Variants in ZFP91 observed in about 807,000 individuals in gnomAD.
The protein encoded by ZFP91 is ZFP91 zinc finger protein, atypical E3 ubiquitin ligase.
Under a neutral mutation model 63.5 loss-of-function variants are expected in ZFP91, and 7 were observed. The ratio of observed to expected loss-of-function variants is 0.11; its 90% CI spans 0.06 to 0.21. The LOEUF is 0.21. ZFP91 is among the 10% of genes least tolerant of loss of function. The probability of loss-of-function intolerance (pLI) is 1.00; values close to 1 mark genes in which losing one functional copy is unlikely to be tolerated. For missense variants in ZFP91, 628 were observed against 736.6 expected (o/e 0.85, Z 1.71); for synonymous variants, 330 against 272.1 (o/e 1.21, Z -2.10).
At chr11:58,598,799 AT>A (rs1297759918) in intron 2 of ZFP91, among the ~76,000 whole-genome samples, 2 of 150,616 alleles carry the variant, frequency 1.3e-5, no homozygotes, top group Non-Finnish European at 3.0e-5. Flanking sequence ...TTGAGGTGAA[AT>A]TCACATAACA....
At chr11:58,587,436 G>A (rs530641855) in intron 2 of ZFP91, among the ~76,000 whole-genome samples, 14 of 152,252 alleles carry the variant, frequency 9.2e-5, no homozygotes, top group East Asian at 1.9e-4. Context: ...TGACATTTGA[G>A]ATTACACCTG....
intron 4 of ZFP91, 127 bp from the exon 5 acceptor site, chr11:58,610,823 T>C: frequency 1.4e-6 from 1 of 698,150 alleles, no homozygotes; most frequent in Non-Finnish European, 2.3e-6. Context: ...TCCAATTAGG[T>C]CATTAGGATG....
chr11:58,611,640 A>C lies in ZFP91; in HGVS notation c.759A>C (p.Val253=). The C allele has an allele frequency of 6.2e-7, 1 of 1,612,946 alleles. No individual in the cohort carries two copies. Among genetic ancestry groups the C allele is most frequent in the South Asian group, 1.1e-5 (1 of 91,006 alleles). The change falls in exon 6 of 11, where the codon GTA becomes GTC. Residue 253 remains valine (V), a synonymous_variant. Transcript: ENST00000316059. ...TPKPRRKSGK[V]KEEKEKKEIK... is the part of the protein sequence containing the mutation. ...AGCCACGGAGAAAATCAGGGAAGGT[A>C]AAAGAAGAGAAGGAGAAGAAGGAAA...
Position 58,618,662 on chromosome 11 carries a change from A to G in ZFP91, c.*956A>G, listed in dbSNP as rs1222706353. 1 of 456,654 alleles carries G rather than the reference A, an allele frequency of 2.2e-6. No homozygotes were observed. The highest frequency in any genetic ancestry group is 4.4e-6 in the Non-Finnish European group (1 of 226,980). The allele number at this position is 456,654 out of a possible 1,614,324, so 28.3% of individuals were successfully genotyped here. On this transcript the variant is annotated 3_prime_UTR_variant, in exon 11 of 11. Coordinates refer to ENST00000316059, the MANE Select transcript of ZFP91 (RefSeq NM_053023.5). ...TATTTTGACATGGGATCCCTTCCAT[A>G]ACAGGTACTTTGAAGGCAAGACATA...
intron 1 of ZFP91, among the ~76,000 whole-genome samples, chr11:58,582,854 G>C (rs1855142419): frequency 6.6e-6 from 1 of 152,060 alleles, no homozygotes. Context: ...GTGGATGAAG[G>C]GGAAATAAAA....
intron 2 of ZFP91, among the ~76,000 whole-genome samples, chr11:58,602,041 C>T (rs918419912): frequency 4.6e-5 from 7 of 152,062 alleles, no homozygotes; most frequent in Non-Finnish European, 1.0e-4. Flanking sequence ...CCTGCCTCAG[C>T]GTCCTCGAGT....
Position 58,579,243 on chromosome 11 carries a change from G to A in ZFP91, c.-39G>A. Reference sequence around the variant, plus strand: ...CGCCGAGGCCGCCGCCTCCGCCTCCGCCGCCTAGGACTAGGGGGTGGGGGA... The same window carrying A: ...CGCCGAGGCCGCCGCCTCCGCCTCCACCGCCTAGGACTAGGGGGTGGGGGA... On this transcript the variant is annotated 5_prime_UTR_variant, in exon 1 of 11. Coordinates refer to ENST00000316059, the MANE Select transcript of ZFP91 (RefSeq NM_053023.5). 6 of 1,368,024 alleles carry A rather than the reference G, an allele frequency of 4.4e-6. No homozygotes were observed. The Admixed American group carries it at 1.2e-4, about 27-fold the overall frequency. The allele number at this position is 1,368,024 out of a possible 1,614,324, so 84.7% of individuals were successfully genotyped here. A position where few individuals can be genotyped will look rare whatever the true frequency, so the allele number is the denominator to read the frequency against.
chr11:58,618,835 TA>T lies in ZFP91; in HGVS notation c.*1130del. 2.8e-6 allele frequency: 1 copy of T among 360,830 alleles called. No homozygotes were observed. Among genetic ancestry groups the T allele is most frequent in the Non-Finnish European group, 5.4e-6 (1 of 184,600 alleles). The allele number at this position is 360,830 out of a possible 1,614,324, so 22.4% of individuals were successfully genotyped here. A position where few individuals can be genotyped will look rare whatever the true frequency, so the allele number is the denominator to read the frequency against. ...GGAAGAATGTTAGGTTCATGGTAAC[TA>T]GTATGCTCTTTGAGATTTTTACAGT... On this transcript the variant is annotated 3_prime_UTR_variant, in exon 11 of 11. Coordinates refer to ENST00000316059, the MANE Select transcript of ZFP91 (RefSeq NM_053023.5).
At chr11:58,590,904 C>A (rs1285437790) in intron 2 of ZFP91, among the ~76,000 whole-genome samples, 1 of 149,092 alleles carries the variant, frequency 6.7e-6, no homozygotes, top group Non-Finnish European at 1.5e-5. Context: ...TTTGATATTT[C>A]TGGGTTTTTT....
At chr11:58,579,753 T>C in intron 1 of ZFP91, 131 bp downstream of exon 1, 1 of 846,392 alleles carries the variant, frequency 1.2e-6, no homozygotes, top group Non-Finnish European at 1.7e-6. Flanking sequence ...ACGCCAGATG[T>C]CACACCGTTT....
intron 2 of ZFP91, among the ~76,000 whole-genome samples, chr11:58,606,078 G>T (rs1412697907): frequency 3.3e-5 from 5 of 151,830 alleles, no homozygotes; most frequent in Non-Finnish European, 7.4e-5. Context: ...TTTTTGTGGG[G>T]GGGGTGTGGT....
rs1434682046 is a variant in ZFP91, at chr11:58,611,381, T to G, written c.723-223T>G. On this transcript the variant is annotated intron_variant, in intron 5 of 10. Transcript: ENST00000316059. ...CTTTACAATTATAGTGAAATTTGAT[T>G]TACAGGCATCTTTAGTCTGGGGAGG... 7.0e-6 allele frequency: 4 copies of G among 568,314 alleles called. No homozygotes were observed. In the East Asian group the frequency reaches 8.9e-5, roughly 13 times the overall value. The allele number at this position is 568,314 out of a possible 1,614,324, so 35.2% of individuals were successfully genotyped here.
At chr11:58,614,414 C>T (rs1283548749) in intron 9 of ZFP91, 71 bp downstream of exon 9, 3 of 1,124,564 alleles carry the variant, frequency 2.7e-6, no homozygotes, top group South Asian at 1.7e-5. Context: ...GTAATGATAA[C>T]GTTTTTCTAA....
Position 58,579,592 on chromosome 11 carries a change from C to A in ZFP91, c.311C>A (p.Pro104Gln). Residue 104 changes from proline to glutamine, a missense_variant, in exon 1 of 11, where the codon CCA (proline) becomes CAA (glutamine). By Grantham distance (76) the Pro-to-Gln change is moderately conservative. Transcript: ENST00000316059. Reference sequence around the variant, plus strand: ...CCCCAGGCCGCGAAGTCCCCGTCTCCAGTTCAGGGCAAGAAGAGTCCGCGA... The same window carrying A: ...CCCCAGGCCGCGAAGTCCCCGTCTCAAGTTCAGGGCAAGAAGAGTCCGCGA... ...QQPQAAKSPS[P>Q]VQGKKSPRLL... is the part of the protein sequence containing the mutation. The A allele has an allele frequency of 6.3e-7, 1 of 1,579,160 alleles. No homozygotes were observed. The highest frequency in any genetic ancestry group is 2.5e-5 in the East Asian group (1 of 39,566).
intron 1 of ZFP91, among the ~76,000 whole-genome samples, chr11:58,582,866 T>A (rs1855142780): frequency 6.6e-6 from 1 of 152,108 alleles, no homozygotes. Context: ...GAAATAAAAA[T>A]TTTTCATTGT....
chr11:58,603,687 C>G (rs2134410864), intron 2 of ZFP91, among the ~76,000 whole-genome samples: 1 of 152,298 alleles, frequency 6.6e-6, no homozygotes, highest in South Asian at 2.1e-4. Flanking sequence ...GATGGCAGGG[C>G]TATTTCCCCA....
intron 1 of ZFP91, among the ~76,000 whole-genome samples, chr11:58,582,744 C>T (rs966939309): frequency 5.3e-5 from 8 of 152,008 alleles, no homozygotes; most frequent in African/African-American, 1.7e-4. Flanking sequence ...TATGAATTTG[C>T]GAGATGACAT....
intron 2 of ZFP91, among the ~76,000 whole-genome samples, chr11:58,602,186 G>A (rs576383008): frequency 6.6e-6 from 1 of 152,308 alleles, no homozygotes. Flanking sequence ...GCCTCCCAAA[G>A]TGTTGGGATT....
chr11:58,612,071 C>T (rs910664784), intron 6 of ZFP91: 2 of 585,212 alleles, frequency 3.4e-6, no homozygotes, highest in Admixed American at 6.7e-5. Context: ...TATATTTAAT[C>T]TGTCTTACAG....
Sources: gnomAD v4.1 joint callset for allele counts (sites outside exome capture counted in the v4.1 genomes callset) on GRCh38, gnomAD v4.1.1 for gene constraint, MANE v1.5 for transcripts, NCBI Gene and HGNC (gene_info 2026-07-23, HGNC 2026-07-21) for gene names.